Variants in CNTNAP3 observed in about 807,000 individuals in gnomAD.
The protein encoded by CNTNAP3 is contactin associated protein family member 3, also known as contactin-associated protein-like 3.
CNTNAP3 carries 36 observed loss-of-function variants against 92.1 expected under a neutral mutation model. The ratio of observed to expected loss-of-function variants is 0.39; its 90% CI spans 0.30 to 0.52. CNTNAP3 has a LOEUF of 0.52. Ranked by LOEUF, CNTNAP3 falls within the 20% of genes least tolerant of loss-of-function variation. CNTNAP3 has a pLI of 0.76. For synonymous variants in CNTNAP3, 232 were observed against 422.3 expected, an observed-to-expected ratio of 0.55 and a Z score of 5.53; for missense variants, 534 against 1,069.6, an observed-to-expected ratio of 0.50 and a Z score of 6.98.
chr9:39,162,527 C>T (rs1053366415), intron 9 of CNTNAP3, among the ~76,000 whole-genome samples: 2 of 43,288 alleles, frequency 4.6e-5, no homozygotes, highest in Non-Finnish European at 8.3e-5. Context: ...TAAAGACACA[C>T]AGACGTGCAT....
intron 12 of CNTNAP3, among the ~76,000 whole-genome samples, chr9:39,134,970 C>T (rs1234453052): frequency 6.6e-6 from 1 of 151,982 alleles, no homozygotes. Context: ...TTTGCAGTCA[C>T]CCATGGTTAA....
In CNTNAP3 at chr9:39,168,218, C is replaced by A. The variant is rs1293154461; in HGVS notation, c.1334-2142G>T. Among the ~76,000 whole-genome samples, 6 of 146,610 alleles carry A rather than the reference C, an allele frequency of 4.1e-5. 1 individual carries two copies. The highest frequency in any genetic ancestry group is 9.2e-5 in the Non-Finnish European group (6 of 65,410). ...ATTTTTAGTAGAGATGGGGTTTCAC[C>A]GTGTTAGCCAGGATGGTCTCAATCT... On this transcript the variant is annotated intron_variant, in intron 8 of 23. Transcript: ENST00000297668.
chr9:39,105,233 C>T (rs1177143919), intron 15 of CNTNAP3, among the ~76,000 whole-genome samples: 20 of 152,250 alleles, frequency 1.3e-4, no homozygotes, highest in Admixed American at 1.2e-3. Context: ...CCAGACCATC[C>T]TGGCTAACAT....
intron 13 of CNTNAP3, among the ~76,000 whole-genome samples, chr9:39,130,524 G>A (rs1821258676): frequency 7.1e-6 from 1 of 141,072 alleles, no homozygotes; most frequent in African/African-American, 2.7e-5. Flanking sequence ...TTTTGAGATG[G>A]AACGGAGTCT....
chr9:39,086,674 T>C (rs1826069305), intron 20 of CNTNAP3, 42 bp downstream of exon 20: 1 of 1,588,572 alleles, frequency 6.3e-7, no homozygotes. Context: ...GTTCTTAAAA[T>C]AATAATATTA....
chr9:39,142,468 C>T (rs531225594), intron 11 of CNTNAP3, among the ~76,000 whole-genome samples: 202 of 152,072 alleles, frequency 1.3e-3, no homozygotes, highest in African/African-American at 4.6e-3. Flanking sequence ...GTCAGGAGAT[C>T]GAGACCATCC....
In CNTNAP3 at chr9:39,085,761, T is replaced by C; in HGVS notation, c.3417A>G (p.Lys1139=). The change falls in exon 21 of 24, where the codon AAA becomes AAG. Residue 1139 remains lysine (K), a synonymous_variant. Transcript: ENST00000297668. The part of the protein sequence containing the change: ...LSSGTEFNAV[K]SLILGKVLEA... ...CTAAAACCTTTCCCAATATGAGAGATTTGACGGCGTTGAATTCTGTCCCTG... is the reference window on the plus strand; with the variant it reads ...CTAAAACCTTTCCCAATATGAGAGACTTGACGGCGTTGAATTCTGTCCCTG... 1 of 1,561,042 alleles carries C rather than the reference T, an allele frequency of 6.4e-7. No individual in the cohort carries two copies. Among genetic ancestry groups the C allele is most frequent in the Non-Finnish European group, 8.7e-7 (1 of 1,145,196 alleles).
At chr9:39,104,036 C>T in intron 15 of CNTNAP3, 122 bp from the exon 16 acceptor site, 2 of 1,459,922 alleles carry the variant, frequency 1.4e-6, no homozygotes, top group Non-Finnish European at 1.8e-6. Context: ...TGAGCTTTCA[C>T]TGGGGGTTCT....
chr9:39,107,480 G>A (rs1188851148), intron 15 of CNTNAP3, among the ~76,000 whole-genome samples: 3 of 151,994 alleles, frequency 2.0e-5, no homozygotes, highest in African/African-American at 7.2e-5. Context: ...TTTCATAAGA[G>A]TTTTACACTA....
rs535484141 is a variant in CNTNAP3, at chr9:39,137,816, T to A, written c.1876+2703A>T. ...GGCGTGAGCCACCGTCTGTTTTTAA[T>A]GCTTGCTCTGTCTCTTCAAAGTGTG... On this transcript the variant is annotated intron_variant, in intron 12 of 23. Transcript: ENST00000297668. 8.5e-5 allele frequency among the ~76,000 whole-genome samples: 13 copies of A among 152,164 alleles called. No individual in the cohort carries two copies. The East Asian group carries it at 1.9e-3, about 23-fold the overall frequency.
At position 39,068,485 on chromosome 9, in the gene CNTNAP3, T is replaced by C. The variant is rs1825561322; in HGVS notation, c.*5405A>G. On this transcript the variant is annotated 3_prime_UTR_variant, in exon 24 of 24. Coordinates refer to ENST00000297668, the MANE Select transcript of CNTNAP3 (RefSeq NM_033655.5). ...TTCATAGAGAGGTGACTAGAAAAGA[T>C]GTTTAAAAAGATTCCTTGAGGTCAA... Among the ~76,000 whole-genome samples the C allele has an allele frequency of 6.6e-6, 1 of 152,310 alleles. No individual in the cohort carries two copies. Among genetic ancestry groups the C allele is most frequent in the African/African-American group, 2.4e-5 (1 of 41,488 alleles).
At position 39,112,585 on chromosome 9, in the gene CNTNAP3, C is replaced by G. The variant is rs149849938; in HGVS notation, c.2238-3298G>C. On this transcript the variant is annotated intron_variant, in intron 14 of 23. Transcript: ENST00000297668. ...TTCACCATGTTGGTCAGGCTGGTCT[C>G]GAACTCCTGACTTCATGATCCGCCC... Among the ~76,000 whole-genome samples the G allele has an allele frequency of 3.6e-3, 555 of 152,198 alleles. 21 individuals carry two copies. The East Asian group carries it at 0.094, about 26-fold the overall frequency.
intron 13 of CNTNAP3, among the ~76,000 whole-genome samples, chr9:39,128,118 C>T (rs555787012): frequency 5.9e-5 from 9 of 152,232 alleles, no homozygotes; most frequent in East Asian, 1.9e-4. Flanking sequence ...GGATCACAGG[C>T]GTGAGCCACC....
rs777932354 is a variant in CNTNAP3, at chr9:39,118,092, G to T, written c.2237+11C>A. 5 of 1,599,776 alleles carry T rather than the reference G, an allele frequency of 3.1e-6. No individual in the cohort carries two copies. The highest frequency in any genetic ancestry group is 4.3e-6 in the Non-Finnish European group (5 of 1,173,566). ...CCACATTTTTGTGCAGGGAAATCAT[G>T]TGGAAATCACCATTCATTCCGGCCA... On this transcript the variant is annotated intron_variant, in intron 14 of 23. Transcript: ENST00000297668.
intron 14 of CNTNAP3, among the ~76,000 whole-genome samples, chr9:39,110,261 TG>T (rs1563881071): frequency 1.3e-4 from 20 of 152,090 alleles, no homozygotes. Context: ...CTGGGTGTGA[TG>T]GTGCACACCT....
chr9:39,095,882 C>A (rs1280934518), intron 18 of CNTNAP3, among the ~76,000 whole-genome samples: 1 of 150,620 alleles, frequency 6.6e-6, no homozygotes, highest in African/African-American at 2.4e-5. Context: ...CATACCAAAC[C>A]CATTATTATT....
At chr9:39,115,141 C>T (rs1204969993) in intron 14 of CNTNAP3, among the ~76,000 whole-genome samples, 1 of 151,664 alleles carries the variant, frequency 6.6e-6, no homozygotes, top group Non-Finnish European at 1.5e-5. Flanking sequence ...TTGCTGATTA[C>T]AGGGACAACT....
intron 13 of CNTNAP3, among the ~76,000 whole-genome samples, chr9:39,130,186 A>ACACGATGTTCACACAAAACCTGTT: frequency 6.6e-6 from 1 of 152,198 alleles, no homozygotes; most frequent in Non-Finnish European, 1.5e-5. Context: ...CAAAACCTGT[A>ACACGATGTTCACACAAAACCTGTT]CACAATGTTC....
rs1260580208 is a variant in CNTNAP3, at chr9:39,071,295, A to G, written c.*2595T>C. ...TAGTAACTACTATCAAAGTATGTTA[A>G]GTTTATGCCGTAATAATGACTTTTA... is the stretch of plus-strand genomic sequence containing the variant. On this transcript the variant is annotated 3_prime_UTR_variant, in exon 24 of 24. Transcript: ENST00000297668. 6.7e-6 allele frequency among the ~76,000 whole-genome samples: 1 copy of G among 150,292 alleles called. No homozygotes were observed. Among genetic ancestry groups the G allele is most frequent in the Non-Finnish European group, 1.5e-5 (1 of 67,786 alleles).
Sources: allele counts gnomAD v4.1 joint callset (sites outside exome capture counted in the v4.1 genomes callset), GRCh38; gene constraint gnomAD v4.1.1; transcripts MANE v1.5; gene names NCBI Gene and HGNC (gene_info 2026-07-23, HGNC 2026-07-21).